CIDEB: variants seen among roughly 807,000 people sequenced by gnomAD.
CIDEB encodes the protein cell death inducing DFFA like effector b.
CIDEB carries 27 observed loss-of-function variants against 22.4 expected under a neutral mutation model. The observed-to-expected ratio is 1.21, with a 90% CI of 0.89 to 1.66. CIDEB has a LOEUF of 1.66. Among genes scored for constraint, CIDEB ranks in the 40% most tolerant of loss-of-function variants. The pLI, the probability that CIDEB is intolerant of heterozygous loss-of-function variation, is 0.00. For synonymous variants in CIDEB, 103 were observed against 109.5 expected, an observed-to-expected ratio of 0.94 and a Z score of 0.37; for missense variants, 289 against 268.7, an observed-to-expected ratio of 1.08 and a Z score of -0.53.
upstream of CIDEB, chr14:24,310,453 TG>T: frequency 1.4e-6 from 1 of 694,640 alleles, no homozygotes; most frequent in East Asian, 2.7e-5. Context: ...GTCAACTGAC[TG>T]GGAGCAGGGG....
upstream of CIDEB, chr14:24,309,224 CTT>C (rs918818682): frequency 5.3e-5 from 8 of 152,266 alleles, no homozygotes; most frequent in South Asian, 4.1e-4. Context: ...TTTCCTCTCT[CTT>C]GTTTTACCTT....
At chr14:24,307,310 C>T in intron 2 of CIDEB, 61 bp downstream of exon 2, 5 of 1,540,020 alleles carry the variant, frequency 3.2e-6, no homozygotes, top group Non-Finnish European at 4.4e-6. Flanking sequence ...CACAAGTTGC[C>T]ACTGTTGTGG....
rs923572586 is a variant in CIDEB at position 24,307,226 on chromosome 14, A to G, written c.186+145T>C. 11 of 853,130 alleles carry G rather than the reference A, an allele frequency of 1.3e-5. No homozygotes were observed. The South Asian group carries it at 1.6e-4, about 12-fold the overall frequency. 52.8% of individuals were successfully genotyped at this position (853,130 alleles called of 1,614,324 possible). A position where few individuals can be genotyped will look rare whatever the true frequency, so the allele number is the denominator to read the frequency against. ...AAAATGAACAAATTGACCAGAGCTC[A>G]TTAGGCCCACTCCGCTGCTTTTAGC... On this transcript the variant is annotated intron_variant, in intron 2 of 4. Coordinates refer to ENST00000554411, the MANE Select transcript of CIDEB (RefSeq NM_001393339.1).
chr14:24,311,254 T>C (rs1250563191), upstream of CIDEB: 1 of 1,605,220 alleles, frequency 6.2e-7, no homozygotes, highest in Non-Finnish European at 8.5e-7. Context: ...TTCGGGCTGA[T>C]GCTCGGCTGC....
upstream of CIDEB, chr14:24,310,406 C>T (rs2041651919): frequency 3.1e-6 from 2 of 640,072 alleles, no homozygotes; most frequent in Non-Finnish European, 5.6e-6. Context: ...TGCCTGTTTA[C>T]CACTGAGCTC....
Position 24,305,657 on chromosome 14 carries a change from C to A in CIDEB, c.636G>T (p.Gln212His). 1 of 1,613,988 alleles carries A rather than the reference C, an allele frequency of 6.2e-7. No individual in the cohort carries two copies. Among genetic ancestry groups the A allele is most frequent in the Non-Finnish European group, 8.5e-7 (1 of 1,179,922 alleles). Reference protein sequence around the residue: ...HAVEGAEQWQQKGRLHSY With the variant: ...HAVEGAEQWQHKGRLHSY ...CTTAGTAGGAATGGAGGCGGCCCTT[C>A]TGCTGCCACTGCTCAGCCCCCTCCA... Residue 212 changes from glutamine to histidine, a missense_variant, in exon 5 of 5, where the codon CAG (glutamine) becomes CAT (histidine). Gln to His is a conservative substitution (Grantham distance 24). Coordinates refer to ENST00000554411, the MANE Select transcript of CIDEB (RefSeq NM_001393339.1).
chr14:24,306,635 C>A, intron 2 of CIDEB, 112 bp from the exon 3 acceptor site: 1 of 1,371,254 alleles, frequency 7.3e-7, no homozygotes, highest in Non-Finnish European at 1.0e-6. Flanking sequence ...CCCACTTTGA[C>A]TTTCCGGCAC....
At position 24,306,373 on chromosome 14, in the gene CIDEB, C is replaced by G. The variant is rs146737422; in HGVS notation, c.336+1G>C. On this transcript the variant is annotated splice_donor_variant, in intron 3 of 4. Transcript: ENST00000554411. LOFTEE classifies it high-confidence loss of function. Reference sequence around the variant, plus strand: ...AAGCAGCCCCAGTATAGGCCTCTTACCCTTGTAGGGCTCCAGCTCTGACCA... The same window carrying G: ...AAGCAGCCCCAGTATAGGCCTCTTAGCCTTGTAGGGCTCCAGCTCTGACCA... The G allele has an allele frequency of 1.2e-6, 2 of 1,614,084 alleles. No homozygotes were observed. The highest frequency in any genetic ancestry group is 1.7e-6 in the Non-Finnish European group (2 of 1,180,036).
chr14:24,305,238 G>C lies in CIDEB; in HGVS notation c.*395C>G. 1.1e-6 allele frequency: 1 copy of C among 948,192 alleles called. No homozygotes were observed. Among genetic ancestry groups the C allele is most frequent in the Admixed American group, 3.6e-5 (1 of 27,622 alleles). 58.7% of individuals were successfully genotyped at this position (948,192 alleles called of 1,614,324 possible). On this transcript the variant is annotated 3_prime_UTR_variant, in exon 5 of 5. Transcript: ENST00000554411. The stretch of plus-strand genomic sequence containing the variant: ...TTGGAAATGTTTTTGTTAGTTTGAG[G>C]GGAAGGGTATGAAGACAGATCTCAA...
chr14:24,307,563 G>T (rs11158635), intron 1 of CIDEB, 48 bp from the exon 2 acceptor site: 312,097 of 1,592,022 alleles, frequency 0.2, 33,480 homozygotes, highest in Admixed American at 0.35. Flanking sequence ...GGGGCTTGGT[G>T]AGTGTAAAGG....
chr14:24,311,298 C>T (rs760236875), upstream of CIDEB: 11 of 1,590,700 alleles, frequency 6.9e-6, no homozygotes, highest in South Asian at 7.9e-5. Flanking sequence ...GCGGGGCGCC[C>T]GCTGGGGCTC....
chr14:24,307,298 A>G (rs1201863925), intron 2 of CIDEB, 73 bp downstream of exon 2: 5 of 1,509,882 alleles, frequency 3.3e-6, no homozygotes, highest in African/African-American at 1.4e-5. Flanking sequence ...CTGCTCCATC[A>G]TCACAAGTTG....
Position 24,305,577 on chromosome 14 carries a change from A to C in CIDEB, c.*56T>G. ...GCAGGTCCTGAAATTTGATGCTGTC[A>C]TAGTCTTTGCAGTGGGTCGGTTGGA... On this transcript the variant is annotated 3_prime_UTR_variant, in exon 5 of 5. Coordinates refer to ENST00000554411, the MANE Select transcript of CIDEB (RefSeq NM_001393339.1). The C allele has an allele frequency of 6.3e-7, 1 of 1,576,120 alleles. No individual in the cohort carries two copies. Among genetic ancestry groups the C allele is most frequent in the Non-Finnish European group, 8.6e-7 (1 of 1,162,878 alleles).
Position 24,306,120 on chromosome 14 carries a change from A to G in CIDEB, c.354T>C (p.Tyr118=). Residue 118 remains tyrosine (Y), a synonymous_variant, in exon 4 of 5, where the codon TAT becomes TAC. Transcript: ENST00000554411. ...WSPTRSGVLS[Y]GLGRERPKHS... is the part of the protein sequence containing the mutation. ...GCTTGGGCCTCTCCCGTCCCAGGCC[A>G]TATGACAGCACTCCACTCTGTAGGA... is the stretch of plus-strand genomic sequence containing the variant. The G allele has an allele frequency of 6.2e-7, 1 of 1,613,904 alleles. No individual in the cohort carries two copies. Among genetic ancestry groups the G allele is most frequent in the South Asian group, 1.1e-5 (1 of 91,084 alleles).
At chr14:24,308,910 A>T (rs1367197480), upstream of CIDEB, 13 of 152,272 alleles carry the variant, frequency 8.5e-5, 1 homozygote, top group Admixed American at 8.5e-4. Context: ...AGCCCAAGCC[A>T]GAGCCTTGAA....
At chr14:24,307,347 A>T in intron 2 of CIDEB, 24 bp downstream of exon 2, 1 of 1,604,690 alleles carries the variant, frequency 6.2e-7, no homozygotes, top group Non-Finnish European at 8.5e-7. Context: ...CTGCTATAGG[A>T]ACCGAGGAAC....
intron 2 of CIDEB, 45 bp from the exon 3 acceptor site, chr14:24,306,568 C>T: frequency 1.2e-6 from 2 of 1,612,692 alleles, no homozygotes; most frequent in Non-Finnish European, 1.7e-6. Flanking sequence ...TATCCCATGC[C>T]CCTTCCCTCT....
chr14:24,305,315 A>G lies in CIDEB; in HGVS notation c.*318T>C. On this transcript the variant is annotated 3_prime_UTR_variant, in exon 5 of 5. Transcript: ENST00000554411. Reference sequence around the variant, plus strand: ...GTATGCTGGGGAGTTTAGGGACAGGAGGCATTGGTAGGGGATTAGATGTAG... The same window carrying G: ...GTATGCTGGGGAGTTTAGGGACAGGGGGCATTGGTAGGGGATTAGATGTAG... 7.1e-6 allele frequency: 4 copies of G among 559,658 alleles called. No homozygotes were observed. The highest frequency in any genetic ancestry group is 1.2e-5 in the Non-Finnish European group (4 of 336,616). The allele number at this position is 559,658 out of a possible 1,614,324, so 34.7% of individuals were successfully genotyped here. A position where few individuals can be genotyped will look rare whatever the true frequency, so the allele number is the denominator to read the frequency against.
intron 2 of CIDEB, 88 bp downstream of exon 2, chr14:24,307,283 G>A: frequency 7.1e-7 from 1 of 1,418,004 alleles, no homozygotes; most frequent in Non-Finnish European, 9.7e-7. Flanking sequence ...TGTGACTTCA[G>A]CCCTCTGCTC....
Sources: allele counts gnomAD v4.1 joint callset, GRCh38; gene constraint gnomAD v4.1.1; transcripts MANE v1.5; gene names NCBI Gene and HGNC (gene_info 2026-07-23, HGNC 2026-07-21).